ABCC12: variants seen among roughly 807,000 people sequenced by gnomAD.
The protein encoded by ABCC12 is ATP-binding cassette sub-family C member 12.
A neutral mutation model predicts 151.1 loss-of-function variants in ABCC12; 142 were observed. The ratio of observed to expected loss-of-function variants is 0.94; its 90% CI spans 0.82 to 1.08. ABCC12 has a LOEUF of 1.08. Among genes scored for constraint, ABCC12 ranks in the 50% least tolerant of loss-of-function variants. The probability of loss-of-function intolerance (pLI) is 0.00; values close to 1 mark genes in which losing one functional copy is unlikely to be tolerated. For missense variants in ABCC12, 1,638 were observed against 1,691.1 expected (o/e 0.97, Z 0.55); for synonymous variants, 645 against 646.4 (o/e 1.00, Z 0.03).
At chr16:48,133,372 A>C (rs1964495767) in intron 9 of ABCC12, among the ~76,000 whole-genome samples, 1 of 151,964 alleles carries the variant, frequency 6.6e-6, no homozygotes, top group Non-Finnish European at 1.5e-5. Context: ...AAAATACAAA[A>C]ATTAGCCAGG....
rs778864609 is a variant in ABCC12 at position 48,121,746 on chromosome 16, A to C, written c.1682T>G (p.Ile561Arg). 10 of 1,614,186 alleles carry C rather than the reference A, an allele frequency of 6.2e-6. No homozygotes were observed. The highest frequency in any genetic ancestry group is 3.3e-4 in the Middle Eastern group (2 of 6,062). The stretch of plus-strand genomic sequence containing the variant: ...GTGATCATACTTTTCTCCAAAGAGT[A>C]TGTTTTCTCTCACATTTCCATGAAA... Reference protein sequence around the residue: ...WIFHGNVRENILFGEKYDHQR... With the variant: ...WIFHGNVRENRLFGEKYDHQR... Residue 561 changes from isoleucine to arginine, a missense_variant, in exon 13 of 31, where the codon ATA (isoleucine) becomes AGA (arginine). Transcript: ENST00000311303.
At chr16:48,143,763 C>T in intron 4 of ABCC12, 147 bp downstream of exon 4, 1 of 1,049,190 alleles carries the variant, frequency 9.5e-7, no homozygotes, top group South Asian at 1.7e-5. Context: ...CCTCCTTCAC[C>T]TTCCACCATG....
intron 13 of ABCC12, 53 bp downstream of exon 13, chr16:48,121,663 G>A (rs555630247): frequency 6.2e-7 from 1 of 1,607,836 alleles, no homozygotes; most frequent in African/African-American, 1.3e-5. Flanking sequence ...AGCATCTGTA[G>A]GAGAGTGTGT....
intron 20 of ABCC12, among the ~76,000 whole-genome samples, chr16:48,106,995 G>C (rs921499295): frequency 6.6e-6 from 1 of 152,216 alleles, no homozygotes; most frequent in African/African-American, 2.4e-5. Context: ...TCAGTGTTAG[G>C]CTTTCCTGGA....
intron 23 of ABCC12, among the ~76,000 whole-genome samples, chr16:48,099,312 G>A (rs1044604634): frequency 9.2e-5 from 14 of 152,046 alleles, no homozygotes; most frequent in Admixed American, 4.6e-4. Context: ...CAAGAGAATC[G>A]CTTGAACCCA....
Position 48,092,277 on chromosome 16 carries a change from G to C in ABCC12, c.3196-1068C>G, listed in dbSNP as rs116545400. ...TTGTACCAGGAGGGGATGGAGGAGT[G>C]AGCAGGGGAAGAGAGGCCACCCATA... On this transcript the variant is annotated intron_variant, in intron 24 of 30. Coordinates refer to ENST00000311303, the MANE Select transcript of ABCC12 (RefSeq NM_001393797.1). 7.8e-3 allele frequency among the ~76,000 whole-genome samples: 1,190 copies of C among 152,344 alleles called. 17 individuals carry two copies. The highest frequency in any genetic ancestry group is 0.027 in the African/African-American group (1,139 of 41,582).
At position 48,140,784 on chromosome 16, in the gene ABCC12, T is replaced by A; in HGVS notation, c.560A>T (p.Asn187Ile). The A allele has an allele frequency of 6.2e-7, 1 of 1,614,152 alleles. No homozygotes were observed. Among genetic ancestry groups the A allele is most frequent in the Non-Finnish European group, 8.5e-7 (1 of 1,180,018 alleles). Residue 187 changes from asparagine to isoleucine, a missense_variant, in exon 6 of 31, where the codon AAC (asparagine) becomes ATC (isoleucine). Asn to Ile is a moderately radical substitution (Grantham distance 149). Transcript: ENST00000311303. ...CTTCAACCGGATGGCCGTGCGGTAGTTGATGGCCCAGGCAAGGGCCCAAAA... is the reference window on the plus strand; with the variant it reads ...CTTCAACCGGATGGCCGTGCGGTAGATGATGGCCCAGGCAAGGGCCCAAAA... The part of the protein sequence containing the change: ...VFFWALAWAI[N>I]YRTAIRLKVA...
At chr16:48,143,384 T>G (rs1348191413) in intron 4 of ABCC12, among the ~76,000 whole-genome samples, 1 of 152,186 alleles carries the variant, frequency 6.6e-6, no homozygotes, top group Non-Finnish European at 1.5e-5. Flanking sequence ...GTTCATGCAG[T>G]CCAGCCCAAA....
chr16:48,129,108 C>T (rs1341612409), intron 10 of ABCC12, among the ~76,000 whole-genome samples: 2 of 152,240 alleles, frequency 1.3e-5, no homozygotes, highest in East Asian at 3.9e-4. Flanking sequence ...TCTGCTGTGT[C>T]CTCTTCCGAG....
intron 11 of ABCC12, among the ~76,000 whole-genome samples, chr16:48,126,712 T>C (rs1372362478): frequency 1.3e-5 from 2 of 152,154 alleles, no homozygotes; most frequent in African/African-American, 2.4e-5. Context: ...GTCAAGCAGC[T>C]AGGAAGTGGC....
In ABCC12 at chr16:48,104,182, C is replaced by A; in HGVS notation, c.2860G>T (p.Val954Phe). The change falls in exon 22 of 31, where the codon GTC becomes TTC. Residue 954 changes from valine (V) to phenylalanine (F), a missense_variant. Coordinates refer to ENST00000311303, the MANE Select transcript of ABCC12 (RefSeq NM_001393797.1). ...LAAVFPAVLLVVASLAVGFFI... is the reference protein window; with the variant it reads ...LAAVFPAVLLFVASLAVGFFI... ...AAGCCTACAGCAAGGCTGGCCACGA[C>A]TAAAAGGACAGCAGGAAACACAGCA... 1 of 1,614,208 alleles carries A rather than the reference C, an allele frequency of 6.2e-7. No homozygotes were observed. The highest frequency in any genetic ancestry group is 8.5e-7 in the Non-Finnish European group (1 of 1,180,044).
chr16:48,086,603 T>G (rs1962613763), intron 28 of ABCC12, 138 bp downstream of exon 28: 1 of 711,850 alleles, frequency 1.4e-6, no homozygotes, highest in Admixed American at 2.2e-5. Flanking sequence ...AGGATTATGT[T>G]CTACTGACTT....
chr16:48,141,396 A>G (rs1407985178), intron 4 of ABCC12, 43 bp from the exon 5 acceptor site: 29 of 1,609,520 alleles, frequency 1.8e-5, no homozygotes, highest in Non-Finnish European at 2.4e-5. Context: ...TGGCACTTCT[A>G]TGTGCTGTTT....
At chr16:48,143,597 G>A (rs182419765) in intron 4 of ABCC12, among the ~76,000 whole-genome samples, 20 of 152,308 alleles carry the variant, frequency 1.3e-4, no homozygotes, top group South Asian at 2.1e-4. Flanking sequence ...TCCACCTGTC[G>A]TGGGAGGGAC....
chr16:48,146,157 GATAA>G (rs1964993295), intron 3 of ABCC12, 145 bp downstream of exon 3: 3 of 707,430 alleles, frequency 4.2e-6, no homozygotes, highest in South Asian at 3.5e-5. Flanking sequence ...GTGAGTGACT[GATAA>G]ATGAATGAAC....
At chr16:48,086,911 G>A (rs1962635565) in intron 27 of ABCC12, 92 bp from the exon 28 acceptor site, 1 of 1,061,900 alleles carries the variant, frequency 9.4e-7, no homozygotes. Context: ...GTGGAGGAGG[G>A]TAGGAGGTGG....
Position 48,115,572 on chromosome 16 carries a change from A to G in ABCC12, c.1832T>C (p.Ile611Thr). Reference sequence around the variant, plus strand: ...GGAGTAGACAGCGCGGGCCAGGCTAATCCTCTGCCTCTGCCCCCCAGAGAG... The same window carrying G: ...GGAGTAGACAGCGCGGGCCAGGCTAGTCCTCTGCCTCTGCCCCCCAGAGAG... ...LNLSGGQRQRISLARAVYSDR... is the reference protein window; with the variant it reads ...LNLSGGQRQRTSLARAVYSDR... Residue 611 changes from isoleucine to threonine, a missense_variant, in exon 15 of 31, where the codon ATT becomes ACT. Transcript: ENST00000311303. The G allele has an allele frequency of 1.2e-6, 2 of 1,614,116 alleles. No individual in the cohort carries two copies. Among genetic ancestry groups the G allele is most frequent in the Non-Finnish European group, 1.7e-6 (2 of 1,179,996 alleles).
intron 10 of ABCC12, among the ~76,000 whole-genome samples, chr16:48,129,249 G>C (rs1964341913): frequency 1.3e-5 from 2 of 152,212 alleles, no homozygotes; most frequent in Admixed American, 6.5e-5. Flanking sequence ...TCTGGAGGGA[G>C]ATGAGAACAT....
At chr16:48,148,931 T>A (rs1470568647) in intron 2 of ABCC12, among the ~76,000 whole-genome samples, 1 of 152,058 alleles carries the variant, frequency 6.6e-6, no homozygotes, top group Non-Finnish European at 1.5e-5. Context: ...TGTTTGCAGC[T>A]ATATTTCCAA....
Sources: gnomAD v4.1 joint callset for allele counts (sites outside exome capture counted in the v4.1 genomes callset) on GRCh38, gnomAD v4.1.1 for gene constraint, MANE v1.5 for transcripts, NCBI Gene and HGNC (gene_info 2026-07-23, HGNC 2026-07-21) for gene names.